STARD6: variants seen among roughly 807,000 people sequenced by gnomAD.
STARD6 encodes StAR related lipid transfer domain containing 6.
In STARD6, 21 loss-of-function variants were observed where a neutral mutation model predicts 22.3. That is an observed-to-expected ratio of 0.94 (90% CI 0.67 to 1.35). The LOEUF is 1.35. Ranked by LOEUF, STARD6 falls within the 40% of genes most tolerant of loss-of-function variation. The pLI, the probability that STARD6 is intolerant of heterozygous loss-of-function variation, is 0.00. For missense variants in STARD6, 269 were observed against 266.9 expected (o/e 1.01, Z -0.05); for synonymous variants, 80 against 88.1 (o/e 0.91, Z 0.52).
chr18:54,334,732 T>G (rs2088893799), intron 5 of STARD6, among the ~76,000 whole-genome samples: 1 of 152,092 alleles, frequency 6.6e-6, no homozygotes, highest in South Asian at 2.1e-4. Flanking sequence ...TAAATTAGCT[T>G]CTCCTGGTTA....
chr18:54,329,365 A>T lies in STARD6; in HGVS notation c.461T>A (p.Val154Glu). 1 of 1,597,344 alleles carries T rather than the reference A, an allele frequency of 6.3e-7. No homozygotes were observed. Among genetic ancestry groups the T allele is most frequent in the Non-Finnish European group, 8.5e-7 (1 of 1,174,166 alleles). ...CACTTACTCTTCCATTGGTGAACAT[A>T]CAAAGCCACAAGGATGGTTATAACC... Reference protein sequence around the residue: ...IRGYNHPCGFVCSPMEENPAY... With the variant: ...IRGYNHPCGFECSPMEENPAY... The change falls in exon 7 of 8, where the codon GTA becomes GAA. Residue 154 changes from valine (V) to glutamate (E), a missense_variant. Transcript: ENST00000307844.
At chr18:54,326,053 C>T (rs2088821975) in intron 7 of STARD6, among the ~76,000 whole-genome samples, 1 of 152,136 alleles carries the variant, frequency 6.6e-6, no homozygotes, top group African/African-American at 2.4e-5. Flanking sequence ...TTTCCGTAAT[C>T]AGATCTGTAA....
At chr18:54,335,024 A>T (rs985016309) in intron 5 of STARD6, among the ~76,000 whole-genome samples, 2 of 152,146 alleles carry the variant, frequency 1.3e-5, no homozygotes, top group Non-Finnish European at 2.9e-5. Context: ...CATAAACATC[A>T]GTCTGGAAGA....
At chr18:54,334,404 C>G (rs561576557) in intron 5 of STARD6, among the ~76,000 whole-genome samples, 1 of 152,148 alleles carries the variant, frequency 6.6e-6, no homozygotes, top group Non-Finnish European at 1.5e-5. Flanking sequence ...GCTTAAAACA[C>G]ACCAATGGCT....
At chr18:54,334,458 ACT>A (rs998569238) in intron 5 of STARD6, among the ~76,000 whole-genome samples, 3 of 151,636 alleles carry the variant, frequency 2.0e-5, no homozygotes, top group Admixed American at 6.6e-5. Flanking sequence ...GACCTTTGAG[ACT>A]CTTGCAGAAT....
chr18:54,356,414 A>G lies in STARD6; in HGVS notation c.-58T>C, dbSNP rs895448471. 1 of 152,206 alleles carries G rather than the reference A, an allele frequency of 6.6e-6. No individual in the cohort carries two copies. The highest frequency in any genetic ancestry group is 2.4e-5 in the African/African-American group (1 of 41,462). 9.4% of individuals were successfully genotyped at this position (152,206 alleles called of 1,614,324 possible). On this transcript the variant is annotated 5_prime_UTR_variant, in exon 2 of 8. Coordinates refer to ENST00000307844, the MANE Select transcript of STARD6 (RefSeq NM_139171.2). ...TAGTAACTACTGGGGCTCCTCTCCA[A>G]ATCCTTGTGGAAATCTCCATATCTC...
intron 4 of STARD6, among the ~76,000 whole-genome samples, chr18:54,343,478 C>G (rs1240802432): frequency 8.6e-6 from 1 of 116,846 alleles, no homozygotes. Flanking sequence ...GCGCCTCTGC[C>G]CGGCCGCCCC....
chr18:54,351,488 T>C (rs1052330080), intron 4 of STARD6, among the ~76,000 whole-genome samples: 7 of 152,210 alleles, frequency 4.6e-5, no homozygotes, highest in African/African-American at 1.7e-4. Context: ...CTATGTTGAA[T>C]AGAAGTGGTG....
At chr18:54,330,904 A>G (rs888959091) in intron 6 of STARD6, among the ~76,000 whole-genome samples, 9 of 152,170 alleles carry the variant, frequency 5.9e-5, no homozygotes, top group African/African-American at 2.2e-4. Flanking sequence ...CGAAACATAT[A>G]TGAACATTAT....
At chr18:54,343,085 G>A (rs190545559) in intron 4 of STARD6, among the ~76,000 whole-genome samples, 3,328 of 14,182 alleles carry the variant, frequency 0.23, 535 homozygotes, top group East Asian at 0.52. Context: ...CCCATCGTCT[G>A]AGATGTGGGG....
At chr18:54,340,332 A>T (rs2144679786) in intron 4 of STARD6, among the ~76,000 whole-genome samples, 1 of 152,300 alleles carries the variant, frequency 6.6e-6, no homozygotes, top group South Asian at 2.1e-4. Flanking sequence ...AAGTTTGTAT[A>T]CATCTGCAGT....
At chr18:54,341,590 T>A (rs1275091983) in intron 4 of STARD6, among the ~76,000 whole-genome samples, 1 of 152,204 alleles carries the variant, frequency 6.6e-6, no homozygotes, top group African/African-American at 2.4e-5. Flanking sequence ...GTCATCACAA[T>A]GGAATTAAAT....
At chr18:54,329,831 T>C (rs1403539293) in intron 6 of STARD6, among the ~76,000 whole-genome samples, 20 of 151,930 alleles carry the variant, frequency 1.3e-4, no homozygotes, top group Admixed American at 1.2e-3. Flanking sequence ...GGGTGAATAC[T>C]ATTCTGCTAG....
chr18:54,350,519 G>T (rs187701960), intron 4 of STARD6, among the ~76,000 whole-genome samples: 3 of 152,154 alleles, frequency 2.0e-5, no homozygotes, highest in Admixed American at 2.0e-4. Flanking sequence ...TGGTTTTGTT[G>T]CATTTGCTTT....
chr18:54,351,908 T>TTTTG (rs2089100833), intron 4 of STARD6, among the ~76,000 whole-genome samples: 1 of 149,502 alleles, frequency 6.7e-6, no homozygotes, highest in African/African-American at 2.5e-5. Flanking sequence ...CGTTTTTTTT[T>TTTTG]TTTTTTTTTT....
intron 7 of STARD6, among the ~76,000 whole-genome samples, chr18:54,327,353 A>G (rs910382701): frequency 2.0e-5 from 3 of 152,208 alleles, no homozygotes; most frequent in Admixed American, 6.5e-5. Context: ...AAAACTTTAA[A>G]CACATGTCAT....
At chr18:54,351,898 C>CTTTTT (rs1568174614) in intron 4 of STARD6, among the ~76,000 whole-genome samples, 16 of 61,554 alleles carry the variant, frequency 2.6e-4, no homozygotes, top group African/African-American at 1.6e-3. Flanking sequence ...GATATTGGTC[C>CTTTTT]GTTTTTTTTT....
At chr18:54,340,534 T>C (rs894359906) in intron 4 of STARD6, among the ~76,000 whole-genome samples, 2 of 151,892 alleles carry the variant, frequency 1.3e-5, no homozygotes, top group South Asian at 4.2e-4. Flanking sequence ...CAAAATAAAT[T>C]TTTAAAATAC....
At chr18:54,326,024 C>CT (rs2088821741) in intron 7 of STARD6, among the ~76,000 whole-genome samples, 1 of 152,170 alleles carries the variant, frequency 6.6e-6, no homozygotes, top group Non-Finnish European at 1.5e-5. Context: ...TTTCCAATCT[C>CT]TAACTTCCAT....
Sources: allele counts gnomAD v4.1 joint callset (sites outside exome capture counted in the v4.1 genomes callset), GRCh38; gene constraint gnomAD v4.1.1; transcripts MANE v1.5; gene names NCBI Gene and HGNC (gene_info 2026-07-23, HGNC 2026-07-21).